The following SLC39A4 variants were observed in gnomAD, a reference collection of about 807,000 sequenced individuals.
The protein encoded by SLC39A4 is solute carrier family 39 member 4.
SLC39A4 carries 49 observed loss-of-function variants against 56.6 expected under a neutral mutation model. That is an observed-to-expected ratio of 0.87 (90% CI 0.69 to 1.10). The LOEUF (loss-of-function observed/expected upper bound fraction) is 1.10. Ranked by LOEUF, SLC39A4 falls within the 50% of genes least tolerant of loss-of-function variation. The pLI is 0.00. For missense variants in SLC39A4, 993 were observed against 864.2 expected (o/e 1.15, Z -1.87); for synonymous variants, 540 against 420.4 (o/e 1.28, Z -3.48).
rs781855258 is a variant in SLC39A4 at position 144,412,954 on chromosome 8, C to G, written c.1628-8G>C. On this transcript the variant is annotated splice_polypyrimidine_tract_variant and splice_region_variant and intron_variant, in intron 10 of 11. Coordinates refer to ENST00000301305, the MANE Select transcript of SLC39A4 (RefSeq NM_130849.4). Reference sequence around the variant, plus strand: ...GCAAGGCGGCGAAGTCCCCTGCGGGCGAGTCCACATTAACAGCTCCGCCCT... The same window carrying G: ...GCAAGGCGGCGAAGTCCCCTGCGGGGGAGTCCACATTAACAGCTCCGCCCT... The G allele has an allele frequency of 6.3e-7, 1 of 1,590,346 alleles. No individual in the cohort carries two copies. Among genetic ancestry groups the G allele is most frequent in the Non-Finnish European group, 8.5e-7 (1 of 1,174,126 alleles).
At position 144,414,321 on chromosome 8, in the gene SLC39A4, A is replaced by G. The variant is rs1554872980; in HGVS notation, c.1090T>C (p.Phe364Leu). 1.2e-6 allele frequency: 2 copies of G among 1,603,526 alleles called. No homozygotes were observed. Among genetic ancestry groups the G allele is most frequent in the Admixed American group, 3.5e-5 (2 of 57,758 alleles). The change falls in exon 6 of 12, where the codon TTC becomes CTC. Residue 364 changes from phenylalanine (F) to leucine (L), a missense_variant. Phe to Leu is a conservative substitution (Grantham distance 22). Coordinates refer to ENST00000301305, the MANE Select transcript of SLC39A4 (RefSeq NM_130849.4). ...RGVTHYILQT[F>L]LSLAVGAVTG... ...ACTGCACCCACTGCCAGGCTCAGGAAGGTCTGCAGGATGTAGTGGGTGACC... is the reference window on the plus strand; with the variant it reads ...ACTGCACCCACTGCCAGGCTCAGGAGGGTCTGCAGGATGTAGTGGGTGACC...
rs782330380 is a variant in SLC39A4 at position 144,416,024 on chromosome 8, ACCGGGC to A, written c.254_259del (p.Gly85_Pro86del). On this transcript the variant is annotated inframe_deletion, in exon 2 of 12. Transcript: ENST00000301305. ...GCGGGCGACGTACCTGGCCTCCAGG[ACCGGGC>A]CCGGGGGCAGCCCTGACCCCTCAGG... 3 of 1,579,350 alleles carry A rather than the reference ACCGGGC, an allele frequency of 1.9e-6. No homozygotes were observed. The highest frequency in any genetic ancestry group is 2.6e-6 in the Non-Finnish European group (3 of 1,164,138).
In SLC39A4 at chr8:144,416,761, C is replaced by T; in HGVS notation, c.29G>A (p.Gly10Glu). The T allele has an allele frequency of 6.2e-7, 1 of 1,612,740 alleles. No individual in the cohort carries two copies. The highest frequency in any genetic ancestry group is 8.5e-7 in the Non-Finnish European group (1 of 1,179,882). MASLVSLEL[G>E]LLLAVLVVTA... is the part of the protein sequence containing the mutation. ...CACCACCAGCACAGCCAGAAGCAGC[C>T]CCAGCTCCAGCGAGACCAGGGACGC... The change falls in exon 1 of 12, where the codon GGG (glycine) becomes GAG (glutamate). Residue 10 changes from glycine (G) to glutamate (E), a missense_variant. Transcript: ENST00000301305.
chr8:144,415,181 T>A lies in SLC39A4; in HGVS notation c.667+46A>T, dbSNP rs141084877. The A allele has an allele frequency of 1.8e-3, 2,964 of 1,612,584 alleles. 40 individuals are homozygous for A. The highest frequency in any genetic ancestry group is 0.017 in the African/African-American group (1,282 of 74,986). ...CCCTGCCCCCCAGGGACGTGGAGGC[T>A]GGGGACTCGGGGGTGCCCCCCTCCA... On this transcript the variant is annotated intron_variant, in intron 3 of 11. Transcript: ENST00000301305.
chr8:144,415,166 C>T, intron 3 of SLC39A4, 56 bp from the exon 4 acceptor site: 1 of 1,612,788 alleles, frequency 6.2e-7, no homozygotes, highest in Non-Finnish European at 8.5e-7. Flanking sequence ...CCCTGCCCCC[C>T]AGGGACGTGG....
chr8:144,414,975 G>A lies in SLC39A4; in HGVS notation c.803C>T (p.Thr268Met), dbSNP rs185494598. 72 of 1,612,676 alleles carry A rather than the reference G, an allele frequency of 4.5e-5. No homozygotes were observed. The highest frequency in any genetic ancestry group is 3.6e-4 in the East Asian group (16 of 44,890). ...SSSNSSSVWDTVCLSARDVMA... is the reference protein window; with the variant it reads ...SSSNSSSVWDMVCLSARDVMA... Reference sequence around the variant, plus strand: ...ATCTTACCCCAGGGCGCAGCTCACCGTGTCCCACACACTGGAGCTGTTGCT... The same window carrying A: ...ATCTTACCCCAGGGCGCAGCTCACCATGTCCCACACACTGGAGCTGTTGCT... The change falls in exon 4 of 12, where the codon ACG becomes ATG. Residue 268 changes from threonine (T) to methionine (M), a missense_variant and splice_region_variant. By Grantham distance (81) the Thr-to-Met change is moderately conservative. Coordinates refer to ENST00000301305, the MANE Select transcript of SLC39A4 (RefSeq NM_130849.4).
rs201684850 is a variant in SLC39A4 at position 144,415,828 on chromosome 8, G to C, written c.456C>G (p.Ala152=). Residue 152 remains alanine, a synonymous_variant, in exon 2 of 12, where the codon GCC becomes GCG. Transcript: ENST00000301305. ...CCCTCACCATCTTGGGGGTCTGGCC[G>C]GCAGCCCGGGCCTGCATCCTCTGCA... ...WLLQRMQARA[A]GQTPKMACVD... 3 of 1,594,020 alleles carry C rather than the reference G, an allele frequency of 1.9e-6. No individual in the cohort carries two copies. Among genetic ancestry groups the C allele is most frequent in the Non-Finnish European group, 1.7e-6 (2 of 1,175,254 alleles).
Position 144,414,752 on chromosome 8 carries a change from C to T in SLC39A4, c.949G>A (p.Val317Ile), listed in dbSNP as rs147786120. The T allele has an allele frequency of 1.2e-4, 197 of 1,612,980 alleles. No homozygotes were observed. The highest frequency in any genetic ancestry group is 5.5e-4 in the South Asian group (50 of 91,062). Residue 317 changes from valine to isoleucine, a missense_variant, in exon 5 of 12, where the codon GTC becomes ATC. Coordinates refer to ENST00000301305, the MANE Select transcript of SLC39A4 (RefSeq NM_130849.4). ...GACTSQSRPP[V>I]QDQLSQSERY... ...TCTGACTGGCTGAGCTGGTCCTGGACGGGGGGCCTGGACTGGGAGGTGCAG... is the reference window on the plus strand; with the variant it reads ...TCTGACTGGCTGAGCTGGTCCTGGATGGGGGGCCTGGACTGGGAGGTGCAG...
Position 144,414,101 on chromosome 8 carries a change from G to A in SLC39A4, c.1150-6C>T, listed in dbSNP as rs781934275. On this transcript the variant is annotated splice_region_variant and splice_polypyrimidine_tract_variant and intron_variant, in intron 6 of 11. Transcript: ENST00000301305. ...TGTGTATGCAGCCCCAGCACCTGGG[G>A]AGTAGGGGCGCTGGGCTGGGGGGGA... 4.7e-5 allele frequency: 73 copies of A among 1,555,456 alleles called. No homozygotes were observed. Among genetic ancestry groups the A allele is most frequent in the Admixed American group, 1.4e-4 (7 of 51,198 alleles).
intron 5 of SLC39A4, 135 bp downstream of exon 5, chr8:144,414,590 C>A: frequency 6.0e-6 from 9 of 1,497,546 alleles, no homozygotes; most frequent in Non-Finnish European, 8.1e-6. Flanking sequence ...GGCGACGCCA[C>A]CTTCCCCTGT....
rs1162892138 is a variant in SLC39A4 at position 144,416,772 on chromosome 8, C to T, written c.18G>A (p.Ser6=). 5.6e-6 allele frequency: 9 copies of T among 1,612,408 alleles called. No homozygotes were observed. Among genetic ancestry groups the T allele is most frequent in the East Asian group, 4.5e-5 (2 of 44,858 alleles). MASLV[S]LELGLLLAVL... ...CAGCCAGAAGCAGCCCCAGCTCCAGCGAGACCAGGGACGCCATACTCAGCT... is the reference window on the plus strand; with the variant it reads ...CAGCCAGAAGCAGCCCCAGCTCCAGTGAGACCAGGGACGCCATACTCAGCT... The change falls in exon 1 of 12, where the codon TCG becomes TCA. Residue 6 remains serine (S), a synonymous_variant. Transcript: ENST00000301305.
rs1554873650 is a variant in SLC39A4 at position 144,415,429 on chromosome 8, A to T, written c.475-10T>A. 4.4e-6 allele frequency: 7 copies of T among 1,591,974 alleles called. No individual in the cohort carries two copies. The Admixed American group carries it at 1.2e-4, about 28-fold the overall frequency. On this transcript the variant is annotated splice_polypyrimidine_tract_variant and intron_variant, in intron 2 of 11. Transcript: ENST00000301305. The stretch of plus-strand genomic sequence containing the variant: ...GGATATCTACGCAGGCCTGGGGAAG[A>T]GGGGGCCTCCGCCTCAGCCTTTGGT...
chr8:144,413,684 T>C (rs1822008794), intron 8 of SLC39A4, 66 bp downstream of exon 8: 3 of 1,535,602 alleles, frequency 2.0e-6, no homozygotes, highest in Admixed American at 3.9e-5. Flanking sequence ...GGGCTGGGAG[T>C]GTGGGCGTGG....
At position 144,414,622 on chromosome 8, in the gene SLC39A4, C is replaced by A. The variant is rs981902516; in HGVS notation, c.976+103G>T. ...CTGTGTCTGTTGTTTCTACTTCCAG[C>A]CCCTGCTCACTCTCTCCATCCCTCA... On this transcript the variant is annotated intron_variant, in intron 5 of 11. Transcript: ENST00000301305. The A allele has an allele frequency of 1.0e-5, 16 of 1,541,358 alleles. No individual in the cohort carries two copies. In the East Asian group the frequency reaches 3.5e-4, roughly 34 times the overall value.
chr8:144,414,350 C>G lies in SLC39A4; in HGVS notation c.1061G>C (p.Arg354Thr). 6.3e-7 allele frequency: 1 copy of G among 1,592,138 alleles called. No individual in the cohort carries two copies. The highest frequency in any genetic ancestry group is 8.5e-7 in the Non-Finnish European group (1 of 1,171,110). Residue 354 changes from arginine to threonine, a missense_variant, in exon 6 of 12, where the codon AGG becomes ACG. Transcript: ENST00000301305. The stretch of plus-strand genomic sequence containing the variant: ...CTGCAGGATGTAGTGGGTGACCCCC[C>G]TGCAGCCAGTGCAGGTCAGCAGCAG... Reference protein sequence around the residue: ...GLLLLTCTGCRGVTHYILQTF... With the variant: ...GLLLLTCTGCTGVTHYILQTF...
chr8:144,415,905 G>T lies in SLC39A4; in HGVS notation c.379C>A (p.Leu127Met). Reference sequence around the variant, plus strand: ...GCCTTGGGGCTCTCGAGCAGGGCCAGGAGGTGGTCTGCATGAGAGGCCCAG... The same window carrying T: ...GCCTTGGGGCTCTCGAGCAGGGCCATGAGGTGGTCTGCATGAGAGGCCCAG... ...GLWASHADHLLALLESPKALT... is the reference protein window; with the variant it reads ...GLWASHADHLMALLESPKALT... Residue 127 changes from leucine (L) to methionine (M), a missense_variant, in exon 2 of 12, where the codon CTG (leucine) becomes ATG (methionine). Transcript: ENST00000301305. 1 of 1,596,364 alleles carries T rather than the reference G, an allele frequency of 6.3e-7. No homozygotes were observed.
chr8:144,412,517 G>A lies in SLC39A4; in HGVS notation c.*21C>T. On this transcript the variant is annotated 3_prime_UTR_variant, in exon 12 of 12. Coordinates refer to ENST00000301305, the MANE Select transcript of SLC39A4 (RefSeq NM_130849.4). ...TGAGGTGTGGGATCTTAAGTCAAAG[G>A]TGGGGGACTAGGGCAGGGTATCAGA... 6.2e-7 allele frequency: 1 copy of A among 1,614,152 alleles called. No individual in the cohort carries two copies.
At chr8:144,414,631 A>G in intron 5 of SLC39A4, 94 bp downstream of exon 5, 1 of 1,558,764 alleles carries the variant, frequency 6.4e-7, no homozygotes, top group Non-Finnish European at 8.7e-7. Flanking sequence ...GCCCCTGCTC[A>G]CTCTCTCCAT....
rs541451386 is a variant in SLC39A4 at position 144,416,385 on chromosome 8, G to A, written c.192+213C>T. The A allele has an allele frequency of 3.4e-6, 5 of 1,450,102 alleles. No homozygotes were observed. The South Asian group carries it at 4.4e-5, about 13-fold the overall frequency. The allele number at this position is 1,450,102 out of a possible 1,614,324, so 89.8% of individuals were successfully genotyped here. ...CAGGGGGAGTTGGCCCTGGGGTCCT[G>A]GGGAGAAGAGGGACTGTGTCCCTGG... On this transcript the variant is annotated intron_variant, in intron 1 of 11. Transcript: ENST00000301305.
Sources: gnomAD v4.1 joint callset for allele counts on GRCh38, gnomAD v4.1.1 for gene constraint, MANE v1.5 for transcripts, NCBI Gene and HGNC (gene_info 2026-07-23, HGNC 2026-07-21) for gene names.